The following TNFSF4 variants were observed in gnomAD, a reference collection of about 807,000 sequenced individuals.
TNFSF4 encodes tumor necrosis factor ligand superfamily member 4.
In TNFSF4, 4 loss-of-function variants were observed where a neutral mutation model predicts 7.3. That is an observed-to-expected ratio of 0.55 (90% confidence interval 0.27 to 1.25). The LOEUF (loss-of-function observed/expected upper bound fraction) is 1.25. Among genes scored for constraint, TNFSF4 ranks in the 50% most tolerant of loss-of-function variants. The probability of loss-of-function intolerance (pLI) is 0.12; values close to 1 mark genes in which losing one functional copy is unlikely to be tolerated. For missense variants in TNFSF4, 181 were observed against 208.8 expected, an observed-to-expected ratio of 0.87 and a Z score of 0.82; for synonymous variants, 76 against 83.7, an observed-to-expected ratio of 0.91 and a Z score of 0.50.
At chr1:173,199,811 C>T (rs1040818047) in intron 1 of TNFSF4, among the ~76,000 whole-genome samples, 2 of 151,840 alleles carry the variant, frequency 1.3e-5, no homozygotes, top group African/African-American at 2.4e-5. Flanking sequence ...ACTAGAAAGG[C>T]CTTGGGAGAT....
the TNFSF4 span, among the ~76,000 whole-genome samples, chr1:173,394,517 T>C: frequency 6.6e-6 from 1 of 152,200 alleles, no homozygotes; most frequent in South Asian, 2.1e-4. Context: ...AGAGTATTTA[T>C]AGATGAGATT....
the TNFSF4 span, among the ~76,000 whole-genome samples, chr1:173,293,012 A>G: frequency 2.6e-5 from 4 of 152,242 alleles, no homozygotes; most frequent in Non-Finnish European, 4.4e-5. Flanking sequence ...AAATGGAGAA[A>G]TATTCCATGC....
the TNFSF4 span, among the ~76,000 whole-genome samples, chr1:173,302,560 G>A: frequency 2.5e-4 from 38 of 151,810 alleles, no homozygotes; most frequent in Admixed American, 2.5e-3. Flanking sequence ...TGACCCACAG[G>A]TAGACTACTG....
the TNFSF4 span, among the ~76,000 whole-genome samples, chr1:173,173,070 G>C: frequency 2.6e-5 from 4 of 152,172 alleles, no homozygotes; most frequent in Non-Finnish European, 5.9e-5. Context: ...CATGAGAACA[G>C]CTTGGGGGAA....
chr1:173,292,182 A>G, the TNFSF4 span, among the ~76,000 whole-genome samples: 1 of 152,034 alleles, frequency 6.6e-6, no homozygotes, highest in Non-Finnish European at 1.5e-5. Flanking sequence ...AAACACAAGG[A>G]AAAAAAACTT....
the TNFSF4 span, among the ~76,000 whole-genome samples, chr1:173,332,863 CATAA>C: frequency 1.3e-5 from 2 of 152,098 alleles, no homozygotes; most frequent in Admixed American, 6.6e-5. Flanking sequence ...TAAATAAATA[CATAA>C]ATAAACATTT....
the TNFSF4 span, among the ~76,000 whole-genome samples, chr1:173,394,976 A>AG: frequency 6.8e-6 from 1 of 147,502 alleles, no homozygotes. Flanking sequence ...ACAGATAGAT[A>AG]ATAGAGGACA....
At chr1:173,182,799 A>T (rs995427630), downstream of TNFSF4, among the ~76,000 whole-genome samples, 1 of 152,230 alleles carries the variant, frequency 6.6e-6, no homozygotes, top group Non-Finnish European at 1.5e-5. Context: ...GGTATAGAGC[A>T]GAGACCACAA....
At chr1:173,350,531 A>C in the TNFSF4 span, among the ~76,000 whole-genome samples, 1 of 152,210 alleles carries the variant, frequency 6.6e-6, no homozygotes, top group African/African-American at 2.4e-5. Context: ...TAGATGACTG[A>C]ATTAATCAGA....
At chr1:173,271,154 C>A in the TNFSF4 span, among the ~76,000 whole-genome samples, 1 of 152,152 alleles carries the variant, frequency 6.6e-6, no homozygotes, top group Middle Eastern at 3.4e-3. Context: ...TTAATTAGAT[C>A]CCATTTGTTT....
chr1:173,257,261 C>T, the TNFSF4 span, among the ~76,000 whole-genome samples: 1 of 152,230 alleles, frequency 6.6e-6, no homozygotes, highest in African/African-American at 2.4e-5. Flanking sequence ...TATTAACTCC[C>T]ATTCACAGCA....
the TNFSF4 span, among the ~76,000 whole-genome samples, chr1:173,306,975 A>G: frequency 2.1e-4 from 32 of 151,912 alleles, no homozygotes; most frequent in African/African-American, 7.0e-4. Context: ...CAAATTCTCC[A>G]TATGGTTCTC....
At chr1:173,220,768 T>G in the TNFSF4 span, among the ~76,000 whole-genome samples, 9 of 152,174 alleles carry the variant, frequency 5.9e-5, no homozygotes, top group Non-Finnish European at 1.0e-4. Flanking sequence ...GATATTGAAC[T>G]TCCTAGTTCT....
the TNFSF4 span, among the ~76,000 whole-genome samples, chr1:173,339,190 G>C: frequency 6.6e-6 from 1 of 152,016 alleles, no homozygotes; most frequent in Non-Finnish European, 1.5e-5. Context: ...ACCAGCGTGG[G>C]CAACATAGCG....
chr1:173,408,128 A>G, the TNFSF4 span, among the ~76,000 whole-genome samples: 42,504 of 152,058 alleles, frequency 0.28, 7,370 homozygotes, highest in African/African-American at 0.46. Context: ...CCAGTCTATG[A>G]TATTTGTTAT....
At chr1:173,336,856 C>T in the TNFSF4 span, among the ~76,000 whole-genome samples, 2 of 151,912 alleles carry the variant, frequency 1.3e-5, no homozygotes, top group Non-Finnish European at 2.9e-5. Context: ...AAGTAAAGGT[C>T]AGTCATGGCA....
chr1:173,378,870 A>ACC, the TNFSF4 span, among the ~76,000 whole-genome samples: 1,717 of 147,308 alleles, frequency 0.012, 19 homozygotes, highest in South Asian at 0.034. Flanking sequence ...GACCACAAGA[A>ACC]CCCCCCTCCC....
At chr1:173,304,828 C>T in the TNFSF4 span, among the ~76,000 whole-genome samples, 2 of 152,008 alleles carry the variant, frequency 1.3e-5, no homozygotes, top group African/African-American at 4.8e-5. Context: ...AGAAGCCACA[C>T]ATTGTCACTT....
chr1:173,356,267 C>T, the TNFSF4 span, among the ~76,000 whole-genome samples: 1 of 152,146 alleles, frequency 6.6e-6, no homozygotes, highest in Non-Finnish European at 1.5e-5. Flanking sequence ...GAGGCATCTT[C>T]TCTGTCCTGT....
Sources: gnomAD v4.1 joint callset for allele counts (sites outside exome capture counted in the v4.1 genomes callset) on GRCh38, gnomAD v4.1.1 for gene constraint, MANE v1.5 for transcripts, NCBI Gene and HGNC (gene_info 2026-07-23, HGNC 2026-07-21) for gene names.